FGF12: variants seen among roughly 807,000 people sequenced by gnomAD.
The protein encoded by FGF12 is fibroblast growth factor 12B.
FGF12 carries 14 observed loss-of-function variants against 23.6 expected under a neutral mutation model. The observed-to-expected ratio is 0.59, with a 90% confidence interval of 0.39 to 0.93. The LOEUF (loss-of-function observed/expected upper bound fraction) is 0.93, where lower values mean the gene tolerates loss of function less well. Among genes scored for constraint, FGF12 ranks in the 40% least tolerant of loss-of-function variants. The pLI is 0.00. For missense variants in FGF12, 175 were observed against 217.8 expected, an observed-to-expected ratio of 0.80 and a Z score of 1.24; for synonymous variants, 62 against 77.3, an observed-to-expected ratio of 0.80 and a Z score of 1.04.
At chr3:192,439,805 T>C (rs1213957231) in intron 2 of FGF12, among the ~76,000 whole-genome samples, 1 of 151,928 alleles carries the variant, frequency 6.6e-6, no homozygotes, top group Non-Finnish European at 1.5e-5. Context: ...TGAAACCCCG[T>C]CTCTACTAAA....
intron 2 of FGF12, among the ~76,000 whole-genome samples, chr3:192,584,991 G>C (rs1462209720): frequency 6.6e-6 from 1 of 150,712 alleles, no homozygotes; most frequent in African/African-American, 2.5e-5. Flanking sequence ...CAGTGAATTG[G>C]TTAAAGACAA....
At chr3:192,678,474 T>C (rs1273388498) in intron 2 of FGF12, among the ~76,000 whole-genome samples, 2 of 152,208 alleles carry the variant, frequency 1.3e-5, no homozygotes, top group Non-Finnish European at 2.9e-5. Context: ...ATTTAATGAC[T>C]GTTGTTGAAA....
intron 3 of FGF12, among the ~76,000 whole-genome samples, chr3:192,354,449 T>A (rs1020549727): frequency 2.1e-5 from 3 of 146,306 alleles, no homozygotes; most frequent in African/African-American, 7.8e-5. Flanking sequence ...CAAAAAAGAA[T>A]AAAGCATGGC....
chr3:192,701,370 C>T lies in FGF12; in HGVS notation c.13+25811G>A, dbSNP rs149926165. ...AGCCCGACCACTCTGGGCACATGTT[C>T]TTGGTATCTCCTCTGGCTATGTCAT... On this transcript the variant is annotated intron_variant, in intron 2 of 5. Coordinates refer to ENST00000445105, the MANE Select transcript of FGF12 (RefSeq NM_004113.6). 4.6e-5 allele frequency among the ~76,000 whole-genome samples: 7 copies of T among 152,294 alleles called. No individual in the cohort carries two copies. The East Asian group carries it at 1.4e-3, about 29-fold the overall frequency.
At chr3:192,479,322 C>T (rs956913391) in intron 2 of FGF12, among the ~76,000 whole-genome samples, 3 of 152,130 alleles carry the variant, frequency 2.0e-5, no homozygotes, top group African/African-American at 4.8e-5. Flanking sequence ...TAGGATGGGT[C>T]CCTGAGCAGA....
chr3:192,298,056 T>G (rs183832863), intron 4 of FGF12, among the ~76,000 whole-genome samples: 1 of 152,324 alleles, frequency 6.6e-6, no homozygotes, highest in Non-Finnish European at 1.5e-5. Flanking sequence ...AAGTTCACTA[T>G]TGTATACCCG....
At chr3:192,376,562 A>T (rs968866292) in intron 2 of FGF12, among the ~76,000 whole-genome samples, 2 of 151,856 alleles carry the variant, frequency 1.3e-5, no homozygotes, top group African/African-American at 4.8e-5. Flanking sequence ...GGGTTGCTCC[A>T]TGTTGGTCAG....
intron 2 of FGF12, among the ~76,000 whole-genome samples, chr3:192,587,024 C>A (rs996845882): frequency 6.6e-6 from 1 of 151,908 alleles, no homozygotes; most frequent in Admixed American, 6.6e-5. Context: ...AATCACTGAC[C>A]CCGGGGGGTC....
intron 4 of FGF12, among the ~76,000 whole-genome samples, chr3:192,176,112 T>A (rs888231892): frequency 6.6e-6 from 1 of 152,226 alleles, no homozygotes; most frequent in Non-Finnish European, 1.5e-5. Context: ...AATACTTGGA[T>A]AAAATGCTGT....
chr3:192,277,101 C>T (rs923413111), intron 4 of FGF12, among the ~76,000 whole-genome samples: 1 of 152,156 alleles, frequency 6.6e-6, no homozygotes, highest in African/African-American at 2.4e-5. Context: ...TGCCTTTTTC[C>T]TCTCAATCTG....
At chr3:192,550,183 G>A (rs1725596271) in intron 2 of FGF12, among the ~76,000 whole-genome samples, 1 of 151,320 alleles carries the variant, frequency 6.6e-6, no homozygotes, top group African/African-American at 2.4e-5. Flanking sequence ...ACTTGAGTGA[G>A]CCACAGGATG....
intron 5 of FGF12, 60 bp downstream of exon 5, chr3:192,170,398 G>T: frequency 7.0e-7 from 1 of 1,418,944 alleles, no homozygotes; most frequent in Non-Finnish European, 9.9e-7. Context: ...AGGGCAAGAA[G>T]CAGAATTGAT....
chr3:192,622,028 T>G (rs1377406494), intron 2 of FGF12, among the ~76,000 whole-genome samples: 1 of 152,180 alleles, frequency 6.6e-6, no homozygotes, highest in Non-Finnish European at 1.5e-5. Context: ...AAAAGGCCTC[T>G]TTTCCAATTT....
chr3:192,452,216 T>C (rs905506075), intron 2 of FGF12, among the ~76,000 whole-genome samples: 1 of 152,182 alleles, frequency 6.6e-6, no homozygotes, highest in African/African-American at 2.4e-5. Context: ...TGAATGGGTG[T>C]TTAATTTTGT....
chr3:192,391,975 A>C (rs1720310448), intron 2 of FGF12, among the ~76,000 whole-genome samples: 1 of 152,178 alleles, frequency 6.6e-6, no homozygotes, highest in Admixed American at 6.5e-5. Context: ...AAGCCTTGCT[A>C]CTCAATGTGT....
rs67784749 is a variant in FGF12 at position 192,392,591 on chromosome 3, CGAGAGAGAGAGA to C, written c.14-32065_14-32054del. The stretch of plus-strand genomic sequence containing the variant: ...AGCCTGGGCAACAAAAGTGAAACTC[CGAGAGAGAGAGA>C]GAGAGAGAGAGAGAGAGAGAGAGAG... On this transcript the variant is annotated intron_variant, in intron 2 of 5. Transcript: ENST00000445105. Among the ~76,000 whole-genome samples the C allele has an allele frequency of 2.2e-3, 92 of 41,866 alleles. 1 individual carries two copies. The highest frequency in any genetic ancestry group is 6.7e-3 in the African/African-American group (57 of 8,450). 27.5% of individuals were successfully genotyped at this position (41,866 alleles called of 152,430 possible). A position where few individuals can be genotyped will look rare whatever the true frequency, so the allele number is the denominator to read the frequency against.
chr3:192,538,433 C>T lies in FGF12; in HGVS notation c.14-177895G>A, dbSNP rs9844995. On this transcript the variant is annotated intron_variant, in intron 2 of 5. Transcript: ENST00000445105. ...GTTTATGCAATAAGTTAACTGTAGA[C>T]ATATGGATTTACTTCTGAGTTCTTC... is the stretch of plus-strand genomic sequence containing the variant. 1.4e-3 allele frequency among the ~76,000 whole-genome samples: 220 copies of T among 152,288 alleles called. 1 individual carries two copies. Among genetic ancestry groups the T allele is most frequent in the African/African-American group, 5.2e-3 (215 of 41,580 alleles).
chr3:192,225,014 C>T (rs926598678), intron 4 of FGF12, among the ~76,000 whole-genome samples: 1 of 152,028 alleles, frequency 6.6e-6, no homozygotes, highest in Admixed American at 6.6e-5. Flanking sequence ...ACCTGCCTTG[C>T]CCATCCTTAC....
chr3:192,689,325 G>A (rs940859670), intron 2 of FGF12, among the ~76,000 whole-genome samples: 4 of 152,256 alleles, frequency 2.6e-5, no homozygotes, highest in Non-Finnish European at 4.4e-5. Context: ...TTCTATGTAT[G>A]TAACAAAGTA....
Sources: allele counts gnomAD v4.1 joint callset (sites outside exome capture counted in the v4.1 genomes callset), GRCh38; gene constraint gnomAD v4.1.1; transcripts MANE v1.5; gene names NCBI Gene and HGNC (gene_info 2026-07-23, HGNC 2026-07-21).